Variants in HSD17B11 observed in about 807,000 individuals in gnomAD.
HSD17B11 encodes hydroxysteroid 17-beta dehydrogenase 11.
Under a neutral mutation model 27.8 loss-of-function variants are expected in HSD17B11, and 22 were observed. The observed-to-expected ratio is 0.79, with a 90% CI of 0.56 to 1.13. HSD17B11 has a LOEUF of 1.13. Among genes scored for constraint, HSD17B11 ranks in the 50% most tolerant of loss-of-function variants. The probability of loss-of-function intolerance (pLI) is 0.00; values close to 1 mark genes in which losing one functional copy is unlikely to be tolerated. For synonymous variants in HSD17B11, 117 were observed against 132.8 expected (o/e 0.88, Z 0.82); for missense variants, 314 against 351.1 (o/e 0.89, Z 0.84).
chr4:87,337,907 A>G (rs1455346181), intron 6 of HSD17B11, among the ~76,000 whole-genome samples: 1 of 152,202 alleles, frequency 6.6e-6, no homozygotes, highest in East Asian at 1.9e-4. Context: ...TGTGGAATCA[A>G]TGTGTTACTA....
rs1735539814 is a variant in HSD17B11, at chr4:87,362,695, G to A, written c.558-5279C>T. On this transcript the variant is annotated intron_variant, in intron 4 of 6. Coordinates refer to ENST00000358290, the MANE Select transcript of HSD17B11 (RefSeq NM_016245.5). The stretch of plus-strand genomic sequence containing the variant: ...GTACTCTTTGCTGATGGCTATGGGT[G>A]ACAGGGTTAGGCATGCACAGGATCG... Among the ~76,000 whole-genome samples, 5 of 152,142 alleles carry A rather than the reference G, an allele frequency of 3.3e-5. No homozygotes were observed. The South Asian group carries it at 1.0e-3, about 31-fold the overall frequency.
At chr4:87,372,287 T>TTCTC (rs200891800) in intron 4 of HSD17B11, among the ~76,000 whole-genome samples, 1 of 150,670 alleles carries the variant, frequency 6.6e-6, no homozygotes, top group Non-Finnish European at 1.5e-5. Context: ...ATGCCTAATA[T>TTCTC]TCTCTCTCTC....
intron 5 of HSD17B11, among the ~76,000 whole-genome samples, chr4:87,342,184 A>C (rs1735181646): frequency 6.6e-6 from 1 of 151,980 alleles, no homozygotes; most frequent in Non-Finnish European, 1.5e-5. Context: ...GGAGTCTGAG[A>C]CCAGCCTGGC....
intron 4 of HSD17B11, among the ~76,000 whole-genome samples, chr4:87,360,070 T>C (rs1489711925): frequency 2.0e-5 from 3 of 152,178 alleles, no homozygotes; most frequent in African/African-American, 7.2e-5. Flanking sequence ...ATAATTCATA[T>C]AAAAGCAAAG....
intron 1 of HSD17B11, among the ~76,000 whole-genome samples, chr4:87,390,497 T>C (rs1477804320): frequency 1.3e-5 from 2 of 152,214 alleles, no homozygotes; most frequent in African/African-American, 4.8e-5. Flanking sequence ...AGTAGGACTT[T>C]CTCTTAATAG....
chr4:87,385,792 G>GTA (rs1182621866), intron 1 of HSD17B11: 1 of 151,666 alleles, frequency 6.6e-6, no homozygotes, highest in Non-Finnish European at 1.5e-5. Flanking sequence ...GTGGGCACCT[G>GTA]TAATCCTAGC....
At chr4:87,369,084 C>G (rs545734111) in intron 4 of HSD17B11, among the ~76,000 whole-genome samples, 8 of 152,284 alleles carry the variant, frequency 5.3e-5, no homozygotes, top group Admixed American at 3.9e-4. Context: ...GATCGGGACT[C>G]CTTTCCATTA....
At chr4:87,375,411 AT>A (rs1002537387) in intron 2 of HSD17B11, among the ~76,000 whole-genome samples, 1 of 152,130 alleles carries the variant, frequency 6.6e-6, no homozygotes, top group East Asian at 1.9e-4. Flanking sequence ...GCTAAGTAGC[AT>A]TTTTTTTAAA....
intron 5 of HSD17B11, among the ~76,000 whole-genome samples, chr4:87,355,019 T>C (rs1735359851): frequency 6.7e-6 from 1 of 150,272 alleles, no homozygotes; most frequent in African/African-American, 2.5e-5. Flanking sequence ...CTCAGGAGGC[T>C]GAGGTGGAGG....
At chr4:87,356,697 A>C (rs1735394052) in intron 5 of HSD17B11, among the ~76,000 whole-genome samples, 1 of 152,256 alleles carries the variant, frequency 6.6e-6, no homozygotes, top group Non-Finnish European at 1.5e-5. Flanking sequence ...GCTATTTCTA[A>C]AGAGAGAAAA....
intron 5 of HSD17B11, among the ~76,000 whole-genome samples, chr4:87,346,424 G>A (rs1394400688): frequency 2.6e-5 from 4 of 152,122 alleles, no homozygotes; most frequent in Non-Finnish European, 4.4e-5. Flanking sequence ...CGAGGCAGGC[G>A]GATCGCTTGA....
chr4:87,367,803 A>G (rs1735636317), intron 4 of HSD17B11, among the ~76,000 whole-genome samples: 1 of 152,198 alleles, frequency 6.6e-6, no homozygotes, highest in African/African-American at 2.4e-5. Flanking sequence ...TTCTAGGCAC[A>G]TTGCAATCAG....
chr4:87,365,187 C>T (rs1256261073), intron 4 of HSD17B11, among the ~76,000 whole-genome samples: 1 of 151,964 alleles, frequency 6.6e-6, no homozygotes, highest in African/African-American at 2.4e-5. Flanking sequence ...AAGAAACTGG[C>T]AAACGAAAAA....
chr4:87,357,948 A>ATTTCTTT (rs748955521), intron 4 of HSD17B11, among the ~76,000 whole-genome samples: 1 of 97,316 alleles, frequency 1.0e-5, no homozygotes, highest in Non-Finnish European at 2.0e-5. Context: ...TCATTAGAGA[A>ATTTCTTT]ATTTTTTTTT....
At chr4:87,369,122 A>G (rs1439729629) in intron 4 of HSD17B11, among the ~76,000 whole-genome samples, 2 of 152,186 alleles carry the variant, frequency 1.3e-5, no homozygotes, top group East Asian at 3.8e-4. Flanking sequence ...AGCTATCCAT[A>G]AATTTAGTTT....
At chr4:87,388,315 T>C (rs1282017065) in intron 1 of HSD17B11, among the ~76,000 whole-genome samples, 1 of 152,224 alleles carries the variant, frequency 6.6e-6, no homozygotes, top group East Asian at 1.9e-4. Context: ...CCAGCATGTA[T>C]TTCCACTCAC....
chr4:87,382,459 G>C (rs936707470), intron 1 of HSD17B11, 97 bp from the exon 2 acceptor site: 10 of 769,306 alleles, frequency 1.3e-5, no homozygotes, highest in Non-Finnish European at 2.1e-5. Flanking sequence ...AAAGTAGTGA[G>C]ATTCTTTCCA....
Position 87,340,487 on chromosome 4 carries a change from T to G in HSD17B11, c.812+3A>C. ...TTTCTAAGGTTTCTTAACTGTCACT[T>G]ACCTTTCCAATGTTGTTAAAAAAGC... is the stretch of plus-strand genomic sequence containing the variant. On this transcript the variant is annotated splice_donor_region_variant and intron_variant, in intron 6 of 6. Transcript: ENST00000358290. The G allele has an allele frequency of 6.4e-7, 1 of 1,564,702 alleles. No homozygotes were observed. The highest frequency in any genetic ancestry group is 8.7e-7 in the Non-Finnish European group (1 of 1,143,584).
intron 2 of HSD17B11, among the ~76,000 whole-genome samples, chr4:87,380,974 A>T (rs1195132603): frequency 6.6e-6 from 1 of 150,812 alleles, no homozygotes; most frequent in Non-Finnish European, 1.5e-5. Context: ...TGAGGTCAGG[A>T]GTTCCAGACC....
Sources: allele counts gnomAD v4.1 joint callset (sites outside exome capture counted in the v4.1 genomes callset), GRCh38; gene constraint gnomAD v4.1.1; transcripts MANE v1.5; gene names NCBI Gene and HGNC (gene_info 2026-07-23, HGNC 2026-07-21).